The following EDARADD variants were observed in gnomAD, a reference collection of about 807,000 sequenced individuals.
EDARADD encodes ectodysplasin-A receptor-associated adapter protein.
Under a neutral mutation model 25.6 loss-of-function variants are expected in EDARADD, and 20 were observed. The ratio of observed to expected loss-of-function variants is 0.78; its 90% CI spans 0.55 to 1.14. EDARADD has a LOEUF of 1.14. Ranked by LOEUF, EDARADD falls within the 50% of genes most tolerant of loss-of-function variation. The pLI is 0.00. For synonymous variants in EDARADD, 86 were observed against 94.4 expected (o/e 0.91, Z 0.52); for missense variants, 225 against 270.1 (o/e 0.83, Z 1.17).
intron 4 of EDARADD, among the ~76,000 whole-genome samples, chr1:236,428,712 C>A: frequency 6.8e-6 from 1 of 148,072 alleles, no homozygotes; most frequent in East Asian, 2.0e-4. Flanking sequence ...GGCAGAGACG[C>A]TCCTCACTTC....
intron 4 of EDARADD, among the ~76,000 whole-genome samples, chr1:236,464,291 C>T (rs1447687804): frequency 6.6e-6 from 1 of 151,322 alleles, no homozygotes; most frequent in Admixed American, 6.6e-5. Flanking sequence ...GCTCTGTCAC[C>T]CGGGCTGGAG....
chr1:236,390,797 C>G (rs1359053399), upstream of EDARADD, among the ~76,000 whole-genome samples: 2 of 152,110 alleles, frequency 1.3e-5, no homozygotes, highest in African/African-American at 4.8e-5. Context: ...TTTTCAAAAA[C>G]TAGCTTCCTG....
At position 236,366,590 on chromosome 1, in the gene EDARADD, A is replaced by G. The variant is rs149286653; in HGVS notation, c.-6+15751A>G. On this transcript the variant is annotated intron_variant, in intron 3 of 7. Transcript: ENST00000439430. ...CCTTTCCTGTCTGATGTTCTGACCT[A>G]TGAACACTAACTGCTTCGGTCTCCC... Among the ~76,000 whole-genome samples the G allele has an allele frequency of 8.4e-3, 1,280 of 152,208 alleles. 17 individuals are homozygous for G. Among genetic ancestry groups the G allele is most frequent in the African/African-American group, 0.029 (1,211 of 41,504 alleles).
At chr1:236,407,673 TTA>T (rs1279778601) in intron 1 of EDARADD, among the ~76,000 whole-genome samples, 2 of 150,272 alleles carry the variant, frequency 1.3e-5, no homozygotes, top group African/African-American at 5.0e-5. Flanking sequence ...CGACTGCCAC[TTA>T]GGGTACTGCA....
chr1:236,353,678 C>CAAAAAAA (rs34798233), intron 3 of EDARADD, among the ~76,000 whole-genome samples: 7 of 78,706 alleles, frequency 8.9e-5, no homozygotes, highest in South Asian at 5.2e-4. Flanking sequence ...ACTCCAACTC[C>CAAAAAAA]AAAAAAAAAA....
At chr1:236,450,800 C>T (rs759949458) in intron 4 of EDARADD, among the ~76,000 whole-genome samples, 82 of 152,278 alleles carry the variant, frequency 5.4e-4, no homozygotes, top group Non-Finnish European at 9.0e-4. Context: ...CCACCCTCCT[C>T]GGCCTCCCAA....
chr1:236,363,006 A>AAAAAAAAAAAAAAAAATAT (rs1377112051), intron 3 of EDARADD, among the ~76,000 whole-genome samples: 1 of 42,950 alleles, frequency 2.3e-5, no homozygotes, highest in African/African-American at 1.1e-4. Context: ...AAAAAAAAAA[A>AAAAAAAAAAAAAAAAATAT]ATATATATAT....
chr1:236,366,643 C>T (rs1667114421), intron 3 of EDARADD, among the ~76,000 whole-genome samples: 1 of 152,108 alleles, frequency 6.6e-6, no homozygotes, highest in Admixed American at 6.5e-5. Flanking sequence ...TTCTTCAATG[C>T]AGGAAGTCGG....
intron 4 of EDARADD, among the ~76,000 whole-genome samples, chr1:236,455,400 T>A (rs1390642830): frequency 6.6e-6 from 1 of 152,192 alleles, no homozygotes; most frequent in Non-Finnish European, 1.5e-5. Flanking sequence ...GACAGGCCCC[T>A]ACCTGCTTCT....
At chr1:236,451,966 G>A (rs143958482) in intron 4 of EDARADD, among the ~76,000 whole-genome samples, 20 of 152,244 alleles carry the variant, frequency 1.3e-4, no homozygotes, top group African/African-American at 2.2e-4. Flanking sequence ...AGAGGCCTGC[G>A]TGCTTTCCAG....
At chr1:236,445,723 A>C (rs1658519372) in intron 4 of EDARADD, among the ~76,000 whole-genome samples, 1 of 152,222 alleles carries the variant, frequency 6.6e-6, no homozygotes, top group African/African-American at 2.4e-5. Context: ...ATAAATGTGC[A>C]TGCCCATATT....
In EDARADD at chr1:236,357,085, A is replaced by C. The variant is rs1255852872; in HGVS notation, c.-6+6246A>C. Among the ~76,000 whole-genome samples, 3 of 131,140 alleles carry C rather than the reference A, an allele frequency of 2.3e-5. No homozygotes were observed. The East Asian group carries it at 6.9e-4, about 30-fold the overall frequency. 86.0% of individuals were successfully genotyped at this position (131,140 alleles called of 152,430 possible). ...GGCAACAAGAGTGAGGCTCTGTCTCAAATAAAAAATAAAAAAAAAAAGTTT... is the reference window on the plus strand; with the variant it reads ...GGCAACAAGAGTGAGGCTCTGTCTCCAATAAAAAATAAAAAAAAAAAGTTT... On this transcript the variant is annotated intron_variant, in intron 3 of 7. Coordinates refer to the EDARADD transcript ENST00000439430.
intron 4 of EDARADD, among the ~76,000 whole-genome samples, chr1:236,450,750 T>C (rs1044150294): frequency 1.3e-5 from 2 of 152,164 alleles, no homozygotes; most frequent in African/African-American, 2.4e-5. Context: ...GGTTTCACCA[T>C]GTTGGCCAGG....
At chr1:236,476,295 T>C (rs1474084759) in intron 5 of EDARADD, among the ~76,000 whole-genome samples, 1 of 152,160 alleles carries the variant, frequency 6.6e-6, no homozygotes, top group Non-Finnish European at 1.5e-5. Context: ...CAACACTGAA[T>C]CTTACAAAGA....
chr1:236,483,084 T>C lies in EDARADD; in HGVS notation c.*435T>C. Reference sequence around the variant, plus strand: ...TTCCCACGGTTTCAAAGAAAACAGCTACAAGGAATGCTTACCTGAGTGTCT... The same window carrying C: ...TTCCCACGGTTTCAAAGAAAACAGCCACAAGGAATGCTTACCTGAGTGTCT... On this transcript the variant is annotated 3_prime_UTR_variant, in exon 6 of 6. Transcript: ENST00000334232. 3 of 931,292 alleles carry C rather than the reference T, an allele frequency of 3.2e-6. No individual in the cohort carries two copies. The highest frequency in any genetic ancestry group is 5.0e-6 in the Non-Finnish European group (3 of 595,818). The allele number at this position is 931,292 out of a possible 1,614,324, so 57.7% of individuals were successfully genotyped here.
At position 236,443,625 on chromosome 1, in the gene EDARADD, T is replaced by C. The variant is rs147666912; in HGVS notation, c.219+16175T>C. On this transcript the variant is annotated intron_variant, in intron 4 of 5. Transcript: ENST00000334232. ...GATTTCTGCAGTGTGATGATAAAACTTGAATGGATCAATAGTTGCTTCTTA... is the reference window on the plus strand; with the variant it reads ...GATTTCTGCAGTGTGATGATAAAACCTGAATGGATCAATAGTTGCTTCTTA... Among the ~76,000 whole-genome samples, 130 of 152,336 alleles carry C rather than the reference T, an allele frequency of 8.5e-4. 1 individual carries two copies. Among genetic ancestry groups the C allele is most frequent in the African/African-American group, 3.1e-3 (127 of 41,594 alleles).
intron 2 of EDARADD, among the ~76,000 whole-genome samples, chr1:236,350,386 A>C (rs1043153262): frequency 1.3e-5 from 2 of 152,200 alleles, no homozygotes; most frequent in Non-Finnish European, 2.9e-5. Flanking sequence ...AAAACAAAAA[A>C]TCAGGTCTTA....
At chr1:236,374,572 C>T (rs1054482136) in intron 3 of EDARADD, among the ~76,000 whole-genome samples, 2 of 152,106 alleles carry the variant, frequency 1.3e-5, no homozygotes, top group Non-Finnish European at 2.9e-5. Flanking sequence ...TTGCCTTGTG[C>T]ATTTTGATGC....
chr1:236,456,568 C>T (rs1348952140), intron 4 of EDARADD, among the ~76,000 whole-genome samples: 1 of 152,106 alleles, frequency 6.6e-6, no homozygotes, highest in African/African-American at 2.4e-5. Context: ...GAACTTTATC[C>T]CAGACTGTGA....
Sources: gnomAD v4.1 joint callset for allele counts (sites outside exome capture counted in the v4.1 genomes callset) on GRCh38, gnomAD v4.1.1 for gene constraint, MANE v1.5 for transcripts, NCBI Gene and HGNC (gene_info 2026-07-23, HGNC 2026-07-21) for gene names.